The following SCFD2 variants were observed in gnomAD, a reference collection of about 807,000 sequenced individuals.
SCFD2 encodes the protein sec1 family domain containing 2.
In SCFD2, 54 loss-of-function variants were observed where a neutral mutation model predicts 58.9. The ratio of observed to expected loss-of-function variants is 0.92; its 90% CI spans 0.74 to 1.15. The LOEUF is 1.15. SCFD2 is among the 50% of genes most tolerant of loss of function. The pLI, the probability that SCFD2 is intolerant of heterozygous loss-of-function variation, is 0.00. For missense variants in SCFD2, 805 were observed against 836.6 expected, an observed-to-expected ratio of 0.96 and a Z score of 0.47; for synonymous variants, 321 against 335.9, an observed-to-expected ratio of 0.96 and a Z score of 0.49.
intron 2 of SCFD2, among the ~76,000 whole-genome samples, chr4:53,319,917 G>A (rs58309853): frequency 6.6e-6 from 1 of 152,160 alleles, no homozygotes; most frequent in South Asian, 2.1e-4. Flanking sequence ...AAATTAAAAA[G>A]GAGGATTACA....
At position 53,018,349 on chromosome 4, in the gene SCFD2, A is replaced by G. The variant is rs75776154; in HGVS notation, c.1562-97479T>C. Among the ~76,000 whole-genome samples, 5 of 152,368 alleles carry G rather than the reference A, an allele frequency of 3.3e-5. No homozygotes were observed. The East Asian group carries it at 9.6e-4, about 29-fold the overall frequency. On this transcript the variant is annotated intron_variant, in intron 5 of 8. Coordinates refer to ENST00000401642, the MANE Select transcript of SCFD2 (RefSeq NM_152540.4). ...TGGAAAAGGAATTGATAGAACATGT[A>G]CACCCAGAAAAAGACAGATCTAAAT...
chr4:53,078,045 T>A (rs1724034514), intron 5 of SCFD2, among the ~76,000 whole-genome samples: 1 of 152,202 alleles, frequency 6.6e-6, no homozygotes, highest in Non-Finnish European at 1.5e-5. Flanking sequence ...AAGACTTTGT[T>A]GATTTTTCGA....
intron 5 of SCFD2, among the ~76,000 whole-genome samples, chr4:53,118,459 A>G (rs192781189): frequency 6.6e-6 from 1 of 152,360 alleles, no homozygotes; most frequent in East Asian, 1.9e-4. Flanking sequence ...AGAGAGATAA[A>G]TCAAATATTT....
chr4:53,064,280 C>A (rs147497522), intron 5 of SCFD2, among the ~76,000 whole-genome samples: 294 of 152,166 alleles, frequency 1.9e-3, no homozygotes, highest in African/African-American at 6.7e-3. Flanking sequence ...TTCCACCCTC[C>A]CCCTCTAGTA....
At chr4:52,986,721 G>A (rs944418383) in intron 5 of SCFD2, among the ~76,000 whole-genome samples, 3 of 151,834 alleles carry the variant, frequency 2.0e-5, no homozygotes, top group Non-Finnish European at 2.9e-5. Flanking sequence ...GGATGGTCTC[G>A]ATCTCCTGAC....
At chr4:53,317,106 C>CAA (rs71662216) in intron 2 of SCFD2, among the ~76,000 whole-genome samples, 23 of 99,366 alleles carry the variant, frequency 2.3e-4, no homozygotes, top group African/African-American at 5.7e-4. Flanking sequence ...GACTCCATGT[C>CAA]AAAAAAAAAA....
chr4:53,141,937 T>C (rs952891133), intron 5 of SCFD2, among the ~76,000 whole-genome samples: 1 of 151,976 alleles, frequency 6.6e-6, no homozygotes, highest in African/African-American at 2.4e-5. Flanking sequence ...ACACCGAGGG[T>C]TGATCTTCCC....
chr4:53,057,368 GTGGAAAGGGATAAATA>G (rs1723374284), intron 5 of SCFD2, among the ~76,000 whole-genome samples: 1 of 152,132 alleles, frequency 6.6e-6, no homozygotes, highest in Non-Finnish European at 1.5e-5. Context: ...AGGGAAAAAG[GTGGAAAGGGATAAATA>G]TGGAAAGGGA....
chr4:53,317,565 C>T (rs17654608), intron 2 of SCFD2, among the ~76,000 whole-genome samples: 67,619 of 152,100 alleles, frequency 0.44, 16,662 homozygotes, highest in Non-Finnish European at 0.54. Context: ...ATTGCAATAG[C>T]GGATTATACG....
At chr4:52,936,758 T>G (rs1305437099) in intron 5 of SCFD2, among the ~76,000 whole-genome samples, 4 of 152,220 alleles carry the variant, frequency 2.6e-5, no homozygotes, top group Non-Finnish European at 4.4e-5. Flanking sequence ...TCATAGACAT[T>G]GTATCTGCTA....
At chr4:52,908,093 G>A (rs1719391454) in intron 6 of SCFD2, among the ~76,000 whole-genome samples, 1 of 152,130 alleles carries the variant, frequency 6.6e-6, no homozygotes, top group Non-Finnish European at 1.5e-5. Context: ...CAATTCCCAA[G>A]TATGACTTGG....
In SCFD2 at chr4:53,365,022, G is replaced by T. The variant is rs1342393395; in HGVS notation, c.838+82C>A. 1 of 1,467,568 alleles carries T rather than the reference G, an allele frequency of 6.8e-7. No homozygotes were observed. The highest frequency in any genetic ancestry group is 9.2e-7 in the Non-Finnish European group (1 of 1,088,268). The allele number at this position is 1,467,568 out of a possible 1,614,324, so 90.9% of individuals were successfully genotyped here. A position where few individuals can be genotyped will look rare whatever the true frequency, so the allele number is the denominator to read the frequency against. The stretch of plus-strand genomic sequence containing the variant: ...TCCTCAATCTAATATATAATAAAAG[G>T]TCAATAAAATATATGCTGAATCAAT... On this transcript the variant is annotated intron_variant, in intron 1 of 8. Transcript: ENST00000401642. This position sits in a 1 kb window ranked among gnomAD's most constrained non-coding sequence, Gnocchi z 4.3.
At chr4:52,964,454 T>A (rs558686435) in intron 5 of SCFD2, among the ~76,000 whole-genome samples, 4 of 152,114 alleles carry the variant, frequency 2.6e-5, no homozygotes, top group Admixed American at 6.6e-5. Context: ...CAAAAGGGGG[T>A]TCACATATTC....
At chr4:53,044,353 C>G (rs186940532) in intron 5 of SCFD2, among the ~76,000 whole-genome samples, 85 of 152,130 alleles carry the variant, frequency 5.6e-4, no homozygotes, top group African/African-American at 2.0e-3. Context: ...GCTCCCTCCC[C>G]CTTTTATTTT....
At chr4:52,947,654 G>C (rs1720467821) in intron 5 of SCFD2, among the ~76,000 whole-genome samples, 2 of 152,028 alleles carry the variant, frequency 1.3e-5, no homozygotes, top group Admixed American at 6.6e-5. Context: ...ATACTACCAA[G>C]ATGGCACTGA....
intron 3 of SCFD2, among the ~76,000 whole-genome samples, chr4:53,274,737 G>A (rs1483975035): frequency 1.3e-5 from 2 of 152,084 alleles, no homozygotes; most frequent in African/African-American, 4.8e-5. Context: ...TCCAAGTTTT[G>A]CCAATAGCTG....
intron 5 of SCFD2, among the ~76,000 whole-genome samples, chr4:53,020,349 G>A (rs953160333): frequency 1.3e-5 from 2 of 152,146 alleles, no homozygotes; most frequent in Non-Finnish European, 2.9e-5. Context: ...GAGTTAATCG[G>A]TTACTGTTTC....
chr4:53,256,044 G>A (rs1256115548), intron 4 of SCFD2, among the ~76,000 whole-genome samples: 1 of 150,526 alleles, frequency 6.6e-6, no homozygotes, highest in African/African-American at 2.4e-5. Flanking sequence ...CTTCCGGACG[G>A]GGCGGCTGGC....
chr4:52,898,005 C>T (rs553182210), intron 7 of SCFD2, among the ~76,000 whole-genome samples: 3 of 152,060 alleles, frequency 2.0e-5, no homozygotes, highest in Non-Finnish European at 4.4e-5. Flanking sequence ...GGTGATATCC[C>T]CTTTGTCATT....
Sources: gnomAD v4.1 joint callset for allele counts (sites outside exome capture counted in the v4.1 genomes callset) on GRCh38, gnomAD v4.1.1 for gene constraint, Gnocchi (gnomAD v3.1) non-coding constraint, MANE v1.5 for transcripts, NCBI Gene and HGNC (gene_info 2026-07-23, HGNC 2026-07-21) for gene names.